EIF3C: variants seen among roughly 807,000 people sequenced by gnomAD.
The protein encoded by EIF3C is cell migration-inducing protein 17.
Under a neutral mutation model 11.1 loss-of-function variants are expected in EIF3C, and 2 were observed. The observed-to-expected ratio is 0.18, with a 90% CI of 0.07 to 0.57. The LOEUF (loss-of-function observed/expected upper bound fraction) is 0.57, where lower values mean the gene tolerates loss of function less well. Among genes scored for constraint, EIF3C ranks in the 20% least tolerant of loss-of-function variants. EIF3C has a pLI of 0.92. For missense variants in EIF3C, 16 were observed against 114.6 expected (o/e 0.14, Z 3.93); for synonymous variants, 2 against 41.5 (o/e 0.05, Z 3.66).
intron 15 of EIF3C, among the ~76,000 whole-genome samples, chr16:28,730,183 C>T (rs2048430447): frequency 1.5e-5 from 2 of 134,282 alleles, no homozygotes; most frequent in South Asian, 5.5e-4. Context: ...TGCACATCAC[C>T]ACTACCCGGC....
At chr16:28,697,847 G>A (rs1447025603) in intron 1 of EIF3C, among the ~76,000 whole-genome samples, 2 of 93,250 alleles carry the variant, frequency 2.1e-5, no homozygotes, top group South Asian at 7.2e-4. Flanking sequence ...CCTCCCGGAC[G>A]GGGCGGCTGG....
At chr16:28,729,027 G>A (rs1387093944) in intron 15 of EIF3C, among the ~76,000 whole-genome samples, 1 of 27,200 alleles carries the variant, frequency 3.7e-5, no homozygotes, top group East Asian at 5.5e-4. Context: ...TTATTGAGTT[G>A]TAGGAGTGCC....
intron 1 of EIF3C, among the ~76,000 whole-genome samples, chr16:28,693,176 T>C (rs1596701122): frequency 2.6e-5 from 1 of 38,964 alleles, no homozygotes; most frequent in African/African-American, 1.4e-4. Context: ...AAAAATCCAA[T>C]CCAAATAGAT....
At chr16:28,728,438 T>C in intron 15 of EIF3C, among the ~76,000 whole-genome samples, 1 of 42,556 alleles carries the variant, frequency 2.3e-5, no homozygotes, top group Non-Finnish European at 5.8e-5. Flanking sequence ...GGTGTGTGTG[T>C]GTCTCTTTTA....
chr16:28,688,783 C>A lies in EIF3C; in HGVS notation c.-76C>A, dbSNP rs2048208220. On this transcript the variant is annotated 5_prime_UTR_variant, in exon 1 of 21. Coordinates refer to the EIF3C transcript ENST00000566501. ...TCCAATGGGCTGCAGCCACCTCTCT[C>A]CAGTGAGGTCTGAGACCCAGCCTTA... 3 of 17,360 alleles carry A rather than the reference C, an allele frequency of 1.7e-4. 1 individual carries two copies. The highest frequency in any genetic ancestry group is 2.7e-4 in the Non-Finnish European group (3 of 11,304). 1.1% of individuals were successfully genotyped at this position (17,360 alleles called of 1,614,324 possible).
chr16:28,729,774 A>G (rs1361899138), intron 15 of EIF3C, among the ~76,000 whole-genome samples: 8 of 144,100 alleles, frequency 5.6e-5, no homozygotes, highest in Non-Finnish European at 1.2e-4. Context: ...TTGCTGTGCA[A>G]CATAACAAAA....
chr16:28,704,164 A>G (rs2048288130), intron 1 of EIF3C, among the ~76,000 whole-genome samples: 1 of 40,412 alleles, frequency 2.5e-5, no homozygotes, highest in African/African-American at 1.9e-4. Flanking sequence ...CTGAGGCAGG[A>G]GAATCGCTTA....
At chr16:28,698,765 C>T (rs1421589549) in intron 1 of EIF3C, among the ~76,000 whole-genome samples, 1 of 23,090 alleles carries the variant, frequency 4.3e-5, no homozygotes, top group Non-Finnish European at 6.9e-5. Flanking sequence ...ACGGGGCGGC[C>T]GGGCAGAGAC....
chr16:28,718,614 G>GTTTTTTT (rs576228155), intron 8 of EIF3C, among the ~76,000 whole-genome samples: 1 of 45,270 alleles, frequency 2.2e-5, no homozygotes. Flanking sequence ...CTTGTTTAAA[G>GTTTTTTT]TTTTTTTTTT....
chr16:28,698,405 G>A (rs1323930053), intron 1 of EIF3C, among the ~76,000 whole-genome samples: 1 of 93,740 alleles, frequency 1.1e-5, no homozygotes, highest in African/African-American at 6.3e-5. Context: ...CCTCCCTCCC[G>A]GACGGCATGG....
At chr16:28,698,387 C>T (rs1401496966) in intron 1 of EIF3C, among the ~76,000 whole-genome samples, 1 of 99,410 alleles carries the variant, frequency 1.0e-5, no homozygotes, top group Non-Finnish European at 1.9e-5. Flanking sequence ...GGGGGGCTGA[C>T]CCTCCCACCT....
chr16:28,698,001 A>AC lies in EIF3C; in HGVS notation c.-31+9181dup, dbSNP rs1181801519. Among the ~76,000 whole-genome samples, 4 of 17,164 alleles carry AC rather than the reference A, an allele frequency of 2.3e-4. No homozygotes were observed. The East Asian group carries it at 5.9e-3, about 25-fold the overall frequency. 11.3% of individuals were successfully genotyped at this position (17,164 alleles called of 152,430 possible). Reference sequence around the variant, plus strand: ...GGCGGCTGGCCGGGCGGGGGGGCTGACCCCCCCCACCTCCCTCCCGGACGG... The same window carrying AC: ...GGCGGCTGGCCGGGCGGGGGGGCTGACCCCCCCCCACCTCCCTCCCGGACGG... On this transcript the variant is annotated intron_variant, in intron 1 of 20. Transcript: ENST00000566501.
chr16:28,725,765 C>CGGA (rs1555491085), intron 13 of EIF3C, among the ~76,000 whole-genome samples: 1,532 of 20,908 alleles, frequency 0.073, 117 homozygotes, highest in African/African-American at 0.33. Flanking sequence ...GACTCCATCT[C>CGGA]AAAAAAAAAA....
chr16:28,698,014 C>A (rs2048250914), intron 1 of EIF3C, among the ~76,000 whole-genome samples: 1 of 64,858 alleles, frequency 1.5e-5, no homozygotes, highest in Admixed American at 1.3e-4. Context: ...CCCCCCACCT[C>A]CCTCCCGGAC....
intron 10 of EIF3C, among the ~76,000 whole-genome samples, chr16:28,723,773 C>CT (rs1157386167): frequency 0.059 from 232 of 3,936 alleles, 12 homozygotes; most frequent in South Asian, 0.35. Context: ...ATGTTCTCCT[C>CT]TTTTTTTTTT....
intron 1 of EIF3C, among the ~76,000 whole-genome samples, chr16:28,698,359 C>T (rs1299761173): frequency 2.0e-5 from 2 of 98,772 alleles, no homozygotes; most frequent in African/African-American, 1.0e-4. Flanking sequence ...ACCTCCCGGA[C>T]GGGGCGGCTG....
chr16:28,696,707 G>A lies in EIF3C; in HGVS notation c.-31+7879G>A, dbSNP rs1278446009. Among the ~76,000 whole-genome samples the A allele has an allele frequency of 6.2e-5, 4 of 64,406 alleles. 1 individual carries two copies. The East Asian group carries it at 1.7e-3, about 27-fold the overall frequency. 42.3% of individuals were successfully genotyped at this position (64,406 alleles called of 152,430 possible). A position where few individuals can be genotyped will look rare whatever the true frequency, so the allele number is the denominator to read the frequency against. On this transcript the variant is annotated intron_variant, in intron 1 of 20. Coordinates refer to the EIF3C transcript ENST00000566501. Reference sequence around the variant, plus strand: ...CTAAAAATATGAAAATTAGCCAGGCGTGGTGGCGCATGCCTGTAATACCAG... The same window carrying A: ...CTAAAAATATGAAAATTAGCCAGGCATGGTGGCGCATGCCTGTAATACCAG...
intron 1 of EIF3C, among the ~76,000 whole-genome samples, chr16:28,698,568 C>T (rs1290216904): frequency 1.0e-5 from 1 of 95,832 alleles, no homozygotes; most frequent in African/African-American, 8.4e-5. Flanking sequence ...GGGTGGCTGC[C>T]GGGCGGAGAC....
chr16:28,697,842 C>T lies in EIF3C; in HGVS notation c.-31+9014C>T, dbSNP rs1157443067. On this transcript the variant is annotated intron_variant, in intron 1 of 20. Coordinates refer to the EIF3C transcript ENST00000566501. ...GGGCTGACCCCCCCCACCTCCCTCC[C>T]GGACGGGGCGGCTGGCCGGGCGGGG... Among the ~76,000 whole-genome samples the T allele has an allele frequency of 8.6e-5, 8 of 93,212 alleles. 1 individual carries two copies. Among genetic ancestry groups the T allele is most frequent in the African/African-American group, 2.5e-4 (4 of 16,112 alleles). The allele number at this position is 93,212 out of a possible 152,430, so 61.2% of individuals were successfully genotyped here.
Sources: gnomAD v4.1 joint callset for allele counts (sites outside exome capture counted in the v4.1 genomes callset) on GRCh38, gnomAD v4.1.1 for gene constraint, MANE v1.5 for transcripts, NCBI Gene and HGNC (gene_info 2026-07-23, HGNC 2026-07-21) for gene names.